LRIG3: variants seen among roughly 807,000 people sequenced by gnomAD.
The protein encoded by LRIG3 is leucine-rich repeats and immunoglobulin-like domains protein 3.
In LRIG3, 76 loss-of-function variants were observed where a neutral mutation model predicts 114.5. The ratio of observed to expected loss-of-function variants is 0.66; its 90% CI spans 0.55 to 0.80. LRIG3 has a LOEUF of 0.80. Among genes scored for constraint, LRIG3 ranks in the 30% least tolerant of loss-of-function variants. LRIG3 has a pLI of 0.00. For missense variants in LRIG3, 1,239 were observed against 1,382.8 expected (o/e 0.90, Z 1.65); for synonymous variants, 512 against 519.8 (o/e 0.98, Z 0.20).
chr12:58,908,417 A>G (rs965227203), intron 3 of LRIG3, among the ~76,000 whole-genome samples: 1 of 152,200 alleles, frequency 6.6e-6, no homozygotes, highest in African/African-American at 2.4e-5. Context: ...GGGGCCGTGA[A>G]AAAGCTGTAT....
At position 58,913,955 on chromosome 12, in the gene LRIG3, T is replaced by C. The variant is rs374107301; in HGVS notation, c.383+27A>G. ...CACTCAAGGTTCCTGCAAACATACATGAGGAATTCTGCTGATATTCACTTA... is the reference window on the plus strand; with the variant it reads ...CACTCAAGGTTCCTGCAAACATACACGAGGAATTCTGCTGATATTCACTTA... On this transcript the variant is annotated intron_variant, in intron 3 of 18. Coordinates refer to ENST00000320743, the MANE Select transcript of LRIG3 (RefSeq NM_153377.5). The C allele has an allele frequency of 1.4e-5, 23 of 1,591,118 alleles. 1 individual carries two copies. In the Middle Eastern group the frequency reaches 8.4e-4, roughly 58 times the overall value.
At chr12:58,901,939 C>G (rs186149819) in intron 3 of LRIG3, among the ~76,000 whole-genome samples, 12 of 152,288 alleles carry the variant, frequency 7.9e-5, no homozygotes, top group Middle Eastern at 3.4e-3. Context: ...AAAAATATCT[C>G]TTCTGATTCC....
chr12:58,872,428 G>C lies in LRIG3; in HGVS notation c.*144C>G, dbSNP rs1336718329. ...AGTATAAAAATTTTCATAACTTTTT[G>C]TAATTTTGGTTCATCTGTATAAATA... On this transcript the variant is annotated 3_prime_UTR_variant, in exon 19 of 19. Coordinates refer to ENST00000320743, the MANE Select transcript of LRIG3 (RefSeq NM_153377.5). 1.2e-6 allele frequency: 1 copy of C among 854,232 alleles called. No homozygotes were observed. Among genetic ancestry groups the C allele is most frequent in the Non-Finnish European group, 1.6e-6 (1 of 625,542 alleles). The allele number at this position is 854,232 out of a possible 1,614,324, so 52.9% of individuals were successfully genotyped here. A position where few individuals can be genotyped will look rare whatever the true frequency, so the allele number is the denominator to read the frequency against.
intron 1 of LRIG3, among the ~76,000 whole-genome samples, chr12:58,918,893 C>T (rs1359095719): frequency 6.6e-6 from 1 of 152,190 alleles, no homozygotes; most frequent in East Asian, 1.9e-4. Context: ...TCTACATTCA[C>T]AAAAGTTATT....
At chr12:58,917,097 A>ACAGCTGTGAAAAC (rs1340030175) in intron 1 of LRIG3, among the ~76,000 whole-genome samples, 1 of 152,160 alleles carries the variant, frequency 6.6e-6, no homozygotes, top group Non-Finnish European at 1.5e-5. Flanking sequence ...ATACAGAAAA[A>ACAGCTGTGAAAAC]CAGCTGTGAA....
intron 1 of LRIG3, among the ~76,000 whole-genome samples, chr12:58,919,066 T>C (rs986749829): frequency 2.6e-5 from 4 of 152,224 alleles, no homozygotes; most frequent in Non-Finnish European, 5.9e-5. Flanking sequence ...AAGTGCACTT[T>C]TATTTTAAAC....
At chr12:58,879,177 A>G in intron 13 of LRIG3, 72 bp from the exon 14 acceptor site, 1 of 1,466,902 alleles carries the variant, frequency 6.8e-7, no homozygotes, top group Non-Finnish European at 9.2e-7. Flanking sequence ...CCTTTTTATT[A>G]TTTGTTTGTT....
rs539565737 is a variant in LRIG3, at chr12:58,885,556, CTGTT to C, written c.1244+271_1244+274del. ...TGTTTTTTTTTTAATTAAATAATCA[CTGTT>C]TGAGAAAAACAATTAAAAACCCATT... On this transcript the variant is annotated intron_variant, in intron 10 of 18. Transcript: ENST00000320743. 2.3e-3 allele frequency among the ~76,000 whole-genome samples: 355 copies of C among 151,826 alleles called. 4 individuals carry two copies. In the Middle Eastern group the frequency reaches 0.034, roughly 15 times the overall value.
chr12:58,915,699 C>CAA, intron 1 of LRIG3, among the ~76,000 whole-genome samples: 1 of 152,296 alleles, frequency 6.6e-6, no homozygotes, highest in East Asian at 1.9e-4. Context: ...CCTGCAATTA[C>CAA]AACCACTGCT....
At chr12:58,886,980 C>A in intron 8 of LRIG3, 90 bp from the exon 9 acceptor site, 5 of 898,282 alleles carry the variant, frequency 5.6e-6, no homozygotes, top group Non-Finnish European at 8.7e-6. Flanking sequence ...TAAAAAATTT[C>A]TCATAATTCC....
rs754064283 is a variant in LRIG3 at position 58,874,554 on chromosome 12, A to G, written c.2715T>C (p.Asn905=). Residue 905 remains asparagine (N), a synonymous_variant, in exon 17 of 19, where the codon AAT becomes AAC. Transcript: ENST00000320743. ...HDSSGTCHID[N]SSEADVEAAT... ...CAGCTTCCACATCAGCTTCACTGCT[A>G]TTGTCAATATGGCAGGTCCCTTTGA... is the stretch of plus-strand genomic sequence containing the variant. 1.5e-5 allele frequency: 24 copies of G among 1,614,072 alleles called. No individual in the cohort carries two copies. Among genetic ancestry groups the G allele is most frequent in the East Asian group, 2.2e-5 (1 of 44,898 alleles).
At chr12:58,905,212 T>C in intron 3 of LRIG3, among the ~76,000 whole-genome samples, 1 of 152,212 alleles carries the variant, frequency 6.6e-6, no homozygotes, top group Admixed American at 6.5e-5. Flanking sequence ...TAAGGAATCA[T>C]GCAGCAATTA....
intron 1 of LRIG3, chr12:58,919,696 C>G (rs1343170091): frequency 1.9e-6 from 2 of 1,050,246 alleles, no homozygotes; most frequent in Non-Finnish European, 2.7e-6. Context: ...AACCCCTTGG[C>G]TAGCTTAGGG....
intron 10 of LRIG3, among the ~76,000 whole-genome samples, chr12:58,885,104 C>T (rs1044110756): frequency 1.3e-5 from 2 of 152,166 alleles, no homozygotes; most frequent in African/African-American, 4.8e-5. Flanking sequence ...AGAGATTGTA[C>T]AGGCAAGAGC....
At chr12:58,919,909 GA>G in intron 1 of LRIG3, 90 bp downstream of exon 1, 6 of 1,262,986 alleles carry the variant, frequency 4.8e-6, no homozygotes, top group Non-Finnish European at 6.7e-6. Flanking sequence ...GCAAAAAGGG[GA>G]CTGCACGCCG....
At chr12:58,916,731 C>T (rs569477760) in intron 1 of LRIG3, among the ~76,000 whole-genome samples, 1 of 152,254 alleles carries the variant, frequency 6.6e-6, no homozygotes, top group African/African-American at 2.4e-5. Context: ...GTTAACTGTA[C>T]CCAGAGCTCA....
At chr12:58,915,841 T>C (rs1222781429) in intron 1 of LRIG3, among the ~76,000 whole-genome samples, 8 of 152,160 alleles carry the variant, frequency 5.3e-5, no homozygotes, top group African/African-American at 1.9e-4. Flanking sequence ...TGTGTGCTTT[T>C]AGCACCCCAG....
intron 1 of LRIG3, chr12:58,919,618 A>G: frequency 6.7e-7 from 1 of 1,495,402 alleles, no homozygotes; most frequent in Non-Finnish European, 8.9e-7. Flanking sequence ...ACTCAGCGAG[A>G]ACTGCAAACT....
chr12:58,891,310 T>G (rs1483233550), intron 3 of LRIG3, among the ~76,000 whole-genome samples: 1 of 152,000 alleles, frequency 6.6e-6, no homozygotes, highest in African/African-American at 2.4e-5. Flanking sequence ...GGTCTCACTA[T>G]GTTCTCTAGG....
Sources: allele counts gnomAD v4.1 joint callset (sites outside exome capture counted in the v4.1 genomes callset), GRCh38; gene constraint gnomAD v4.1.1; transcripts MANE v1.5; gene names NCBI Gene and HGNC (gene_info 2026-07-23, HGNC 2026-07-21).